CCSER1: variants seen among roughly 807,000 people sequenced by gnomAD.
CCSER1 encodes coiled-coil serine rich protein 1, also known as serine-rich coiled-coil domain-containing protein 1.
CCSER1 carries 41 observed loss-of-function variants against 82.0 expected under a neutral mutation model. The observed-to-expected ratio is 0.50, with a 90% CI of 0.39 to 0.65. The LOEUF (loss-of-function observed/expected upper bound fraction) is 0.65, where lower values mean the gene tolerates loss of function less well. CCSER1 is among the 30% of genes least tolerant of loss of function. CCSER1 has a pLI of 0.00. For missense variants in CCSER1, 1,119 were observed against 1,064.2 expected, an observed-to-expected ratio of 1.05 and a Z score of -0.72; for synonymous variants, 414 against 383.9, an observed-to-expected ratio of 1.08 and a Z score of -0.92.
At chr4:90,781,888 T>G (rs1753824418) in intron 7 of CCSER1, 1 of 926,336 alleles carries the variant, frequency 1.1e-6, no homozygotes, top group African/African-American at 1.8e-5. Context: ...ATAATGATTG[T>G]GATGTACCTT....
chr4:91,145,656 A>C (rs1289896299), intron 10 of CCSER1, among the ~76,000 whole-genome samples: 1 of 151,284 alleles, frequency 6.6e-6, no homozygotes, highest in Non-Finnish European at 1.5e-5. Context: ...GTGGTAATAG[A>C]CTCTCTTATT....
intron 10 of CCSER1, among the ~76,000 whole-genome samples, chr4:91,412,943 A>G: frequency 2.2e-5 from 1 of 46,326 alleles, no homozygotes; most frequent in Non-Finnish European, 3.9e-5. Flanking sequence ...AATGAGATGC[A>G]TAAGGAAACA....
chr4:90,545,513 C>G (rs937868241), intron 5 of CCSER1, among the ~76,000 whole-genome samples: 1 of 152,040 alleles, frequency 6.6e-6, no homozygotes, highest in African/African-American at 2.4e-5. Flanking sequence ...CCTCGAAACC[C>G]TAATAGTTGG....
chr4:90,168,850 C>A (rs957801125), intron 1 of CCSER1, among the ~76,000 whole-genome samples: 6 of 145,722 alleles, frequency 4.1e-5, no homozygotes, highest in Non-Finnish European at 8.9e-5. Context: ...TGTTTTGGTA[C>A]CAGTACCATG....
intron 3 of CCSER1, among the ~76,000 whole-genome samples, chr4:90,316,358 A>C (rs1011703327): frequency 6.6e-6 from 1 of 152,182 alleles, no homozygotes; most frequent in Non-Finnish European, 1.5e-5. Context: ...TGTTTGCATC[A>C]ATTTGGTGTA....
At chr4:91,139,932 A>C (rs757727739) in intron 10 of CCSER1, among the ~76,000 whole-genome samples, 4 of 152,170 alleles carry the variant, frequency 2.6e-5, no homozygotes, top group Non-Finnish European at 5.9e-5. Context: ...GTACTTGTTC[A>C]TGAGAAAAAG....
At chr4:90,245,990 A>T (rs1721338737) in intron 1 of CCSER1, among the ~76,000 whole-genome samples, 1 of 152,196 alleles carries the variant, frequency 6.6e-6, no homozygotes, top group Non-Finnish European at 1.5e-5. Context: ...TGTTCTGTAA[A>T]TATTCAGTCA....
At chr4:91,408,997 G>T (rs1274456156) in intron 10 of CCSER1, among the ~76,000 whole-genome samples, 2 of 152,070 alleles carry the variant, frequency 1.3e-5, no homozygotes, top group Non-Finnish European at 2.9e-5. Context: ...CACCTTATTT[G>T]CTGTGGGGGA....
At chr4:91,135,456 G>A (rs1728375350) in intron 10 of CCSER1, among the ~76,000 whole-genome samples, 1 of 152,158 alleles carries the variant, frequency 6.6e-6, no homozygotes, top group South Asian at 2.1e-4. Flanking sequence ...TTTGAATGGA[G>A]TCAATGTGAT....
intron 9 of CCSER1, among the ~76,000 whole-genome samples, chr4:90,930,990 A>G (rs1230144811): frequency 2.1e-5 from 3 of 145,806 alleles, no homozygotes; most frequent in Admixed American, 1.4e-4. Context: ...ATATATATTG[A>G]CATACACACA....
intron 10 of CCSER1, among the ~76,000 whole-genome samples, chr4:91,561,559 C>CATGAT (rs1333893327): frequency 6.6e-6 from 1 of 151,470 alleles, no homozygotes; most frequent in Non-Finnish European, 1.5e-5. Flanking sequence ...TTTAGCAATA[C>CATGAT]ATGATATATG....
chr4:90,612,653 A>G (rs895476412), intron 5 of CCSER1, among the ~76,000 whole-genome samples: 4 of 152,156 alleles, frequency 2.6e-5, no homozygotes, highest in African/African-American at 7.2e-5. Context: ...TTGCTTCCAA[A>G]TGCAACAGAA....
chr4:90,242,698 G>A (rs1720591384), intron 1 of CCSER1, among the ~76,000 whole-genome samples: 1 of 152,226 alleles, frequency 6.6e-6, no homozygotes, highest in African/African-American at 2.4e-5. Context: ...TAATTATAGA[G>A]CACGTTTATT....
At chr4:91,403,017 C>A (rs1314905783) in intron 10 of CCSER1, among the ~76,000 whole-genome samples, 1 of 152,170 alleles carries the variant, frequency 6.6e-6, no homozygotes, top group East Asian at 1.9e-4. Flanking sequence ...TTGATTCTTC[C>A]TATCCATGAG....
intron 1 of CCSER1, among the ~76,000 whole-genome samples, chr4:90,155,677 A>G (rs1456528109): frequency 2.0e-5 from 3 of 152,316 alleles, no homozygotes; most frequent in Admixed American, 6.5e-5. Flanking sequence ...AGAGGTGTTC[A>G]TAGTATTCTC....
intron 6 of CCSER1, among the ~76,000 whole-genome samples, chr4:90,722,777 G>A (rs557752479): frequency 6.6e-6 from 1 of 151,890 alleles, no homozygotes; most frequent in Non-Finnish European, 1.5e-5. Flanking sequence ...TTCTGGACTA[G>A]GGAGTCATAA....
intron 3 of CCSER1, among the ~76,000 whole-genome samples, chr4:90,313,561 G>T (rs1383700489): frequency 6.6e-6 from 1 of 152,118 alleles, no homozygotes; most frequent in Non-Finnish European, 1.5e-5. Flanking sequence ...TGCATACATT[G>T]GAGGTAATCA....
chr4:90,231,237 A>C (rs1227582609), intron 1 of CCSER1, among the ~76,000 whole-genome samples: 1 of 152,064 alleles, frequency 6.6e-6, no homozygotes, highest in Non-Finnish European at 1.5e-5. Context: ...AATACTGGCA[A>C]ACTGAATCCA....
At chr4:91,413,463 A>G (rs1308937050) in intron 10 of CCSER1, among the ~76,000 whole-genome samples, 2 of 151,992 alleles carry the variant, frequency 1.3e-5, no homozygotes, top group Non-Finnish European at 2.9e-5. Context: ...ATGTCTCTCA[A>G]AAAAAGAAAA....
Sources: allele counts gnomAD v4.1 joint callset (sites outside exome capture counted in the v4.1 genomes callset), GRCh38; gene constraint gnomAD v4.1.1; transcripts MANE v1.5; gene names NCBI Gene and HGNC (gene_info 2026-07-23, HGNC 2026-07-21).